MECOM: variants seen among roughly 807,000 people sequenced by gnomAD.
MECOM encodes the protein MDS1 and EVI1 complex locus.
Under a neutral mutation model 116.3 loss-of-function variants are expected in MECOM, and 13 were observed. The ratio of observed to expected loss-of-function variants is 0.11; its 90% confidence interval spans 0.07 to 0.18. The LOEUF (loss-of-function observed/expected upper bound fraction) is 0.18, where lower values mean the gene tolerates loss of function less well. Among genes scored for constraint, MECOM ranks in the 10% least tolerant of loss-of-function variants. The probability of loss-of-function intolerance (pLI) is 1.00; values close to 1 mark genes in which losing one functional copy is unlikely to be tolerated. For synonymous variants in MECOM, 528 were observed against 535.2 expected, an observed-to-expected ratio of 0.99 and a Z score of 0.19; for missense variants, 1,299 against 1,509.0, an observed-to-expected ratio of 0.86 and a Z score of 2.31.
At position 169,122,631 on chromosome 3, in the gene MECOM, G is replaced by T. The variant is rs144421362; in HGVS notation, c.927C>A (p.His309Gln). The change falls in exon 6 of 17, where the codon CAC becomes CAA. Residue 309 changes from histidine to glutamine, a missense_variant. By Grantham distance (24) the His-to-Gln change is conservative. Around this residue, in one of 6 missense-constraint regions of MECOM, gnomAD observed 374 missense variants for 433.4 expected, o/e 0.86. Coordinates refer to ENST00000651503, the MANE Select transcript of MECOM (RefSeq NM_004991.4). ...AFNWKSNLIR[H>Q]QMSHDSGKHY... ...GCTTTCCACTGTCATGTGACATCTG[G>T]TGGCGAATTAAATTGGACTTCCAGT... 1 of 1,614,056 alleles carries T rather than the reference G, an allele frequency of 6.2e-7. No individual in the cohort carries two copies. Among genetic ancestry groups the T allele is most frequent in the Admixed American group, 1.7e-5 (1 of 60,022 alleles).
At position 169,546,707 on chromosome 3, in the gene MECOM, T is replaced by TAAAG. The variant is rs564334101; in HGVS notation, c.37+116625_37+116628dup. On this transcript the variant is annotated intron_variant, in intron 1 of 16. Coordinates refer to ENST00000651503, the MANE Select transcript of MECOM (RefSeq NM_004991.4). ...ATTAGGTGTTCTACTTCCCCATCTC[T>TAAAG]AAAGAAAGAAAGAAAGAAAGAGAAA... Among the ~76,000 whole-genome samples, 258 of 151,906 alleles carry TAAAG rather than the reference T, an allele frequency of 1.7e-3. 1 individual carries two copies. The highest frequency in any genetic ancestry group is 5.7e-3 in the African/African-American group (236 of 41,488).
intron 1 of MECOM, among the ~76,000 whole-genome samples, chr3:169,545,376 T>G (rs16854063): frequency 0.22 from 33,152 of 152,048 alleles, 4,643 homozygotes; most frequent in East Asian, 0.7. Context: ...CCCAGGGGTA[T>G]AATCCTTAGC....
At position 169,381,509 on chromosome 3, in the gene MECOM, T is replaced by A. The variant is rs1319048281; in HGVS notation, c.53A>T (p.Tyr18Phe). ...RKLATNNECV[Y>F]GNYPEIPLEE... ...CAAAGGTATTTCAGGGTAGTTGCCA[T>A]ATACACACTCATTATCTGTGAATAA... is the stretch of plus-strand genomic sequence containing the variant. Residue 18 changes from tyrosine (Y) to phenylalanine (F), a missense_variant, in exon 2 of 17, where the codon TAT becomes TTT. Around this residue, in one of 6 missense-constraint regions of MECOM, gnomAD observed 374 missense variants for 433.4 expected, o/e 0.86. Transcript: ENST00000651503. 2 of 1,605,284 alleles carry A rather than the reference T, an allele frequency of 1.2e-6. No homozygotes were observed. Among genetic ancestry groups the A allele is most frequent in the East Asian group, 2.2e-5 (1 of 44,662 alleles).
chr3:169,316,518 T>C (rs1405168065), intron 2 of MECOM, among the ~76,000 whole-genome samples: 1 of 152,210 alleles, frequency 6.6e-6, no homozygotes, highest in African/African-American at 2.4e-5. Flanking sequence ...AGATCTCATA[T>C]GCATTCACAT....
intron 1 of MECOM, among the ~76,000 whole-genome samples, chr3:169,660,485 C>T (rs1776141673): frequency 6.6e-6 from 1 of 151,960 alleles, no homozygotes; most frequent in South Asian, 2.1e-4. Context: ...GGTCCATGGG[C>T]TCCTGTACTG....
At chr3:169,194,460 A>T (rs1032226413) in intron 2 of MECOM, among the ~76,000 whole-genome samples, 1 of 152,118 alleles carries the variant, frequency 6.6e-6, no homozygotes, top group Admixed American at 6.6e-5. Flanking sequence ...AACCTAAAGT[A>T]TAATAAAAAA....
At chr3:169,097,464 C>T (rs1271731894) in intron 12 of MECOM, among the ~76,000 whole-genome samples, 3 of 151,918 alleles carry the variant, frequency 2.0e-5, no homozygotes, top group Non-Finnish European at 4.4e-5. Flanking sequence ...TTAAGCCTTC[C>T]TAGTTATTGG....
chr3:169,417,722 T>C (rs1283401578), intron 1 of MECOM, among the ~76,000 whole-genome samples: 2 of 151,856 alleles, frequency 1.3e-5, no homozygotes, highest in Admixed American at 6.6e-5. Context: ...TGTCCAACAA[T>C]GATAGACTGG....
chr3:169,400,333 A>C (rs1160845331), intron 1 of MECOM, among the ~76,000 whole-genome samples: 2 of 152,194 alleles, frequency 1.3e-5, no homozygotes, highest in African/African-American at 4.8e-5. Context: ...TATGCTGCTA[A>C]ATGGATGTTT....
At chr3:169,346,352 A>G (rs1402379535) in intron 2 of MECOM, among the ~76,000 whole-genome samples, 2 of 152,078 alleles carry the variant, frequency 1.3e-5, no homozygotes, top group Non-Finnish European at 2.9e-5. Context: ...AATTAAATGA[A>G]CCATCATCAT....
At chr3:169,085,251 C>T (rs1036160630) in intron 16 of MECOM, among the ~76,000 whole-genome samples, 7 of 152,098 alleles carry the variant, frequency 4.6e-5, no homozygotes, top group Admixed American at 2.6e-4. Flanking sequence ...AAGTGACACA[C>T]GCTACAGAAC....
intron 1 of MECOM, among the ~76,000 whole-genome samples, chr3:169,566,380 C>A (rs1170240999): frequency 6.6e-6 from 1 of 152,188 alleles, no homozygotes; most frequent in Non-Finnish European, 1.5e-5. Context: ...AATGACACCC[C>A]ACTCCTGCTG....
chr3:169,110,992 G>T (rs1435211180), intron 9 of MECOM, among the ~76,000 whole-genome samples: 2 of 152,140 alleles, frequency 1.3e-5, no homozygotes, highest in East Asian at 3.8e-4. Flanking sequence ...GCTCTCTTAT[G>T]ATTTTATTTT....
At chr3:169,343,912 T>G (rs1291906641) in intron 2 of MECOM, among the ~76,000 whole-genome samples, 1 of 152,190 alleles carries the variant, frequency 6.6e-6, no homozygotes, top group Non-Finnish European at 1.5e-5. Context: ...GCCAACAAAC[T>G]TTTGCTTTAA....
Position 169,355,577 on chromosome 3 carries a change from T to A in MECOM, c.375+25610A>T, listed in dbSNP as rs16853553. Among the ~76,000 whole-genome samples, 829 of 152,108 alleles carry A rather than the reference T, an allele frequency of 5.5e-3. 7 individuals are homozygous for A. Among genetic ancestry groups the A allele is most frequent in the African/African-American group, 0.019 (797 of 41,554 alleles). On this transcript the variant is annotated intron_variant, in intron 2 of 16. Transcript: ENST00000651503. ...AATAAACTGCCATGTTAAAGTCAAA[T>A]GTCATCACTGATGTCTTCTTTGGTT...
chr3:169,357,328 T>C (rs529709747), intron 2 of MECOM, among the ~76,000 whole-genome samples: 17 of 151,898 alleles, frequency 1.1e-4, no homozygotes, highest in African/African-American at 3.9e-4. Context: ...GGGTCAAATA[T>C]AAGTAGATCC....
chr3:169,426,250 A>G (rs77502487), intron 1 of MECOM, among the ~76,000 whole-genome samples: 17,551 of 152,184 alleles, frequency 0.12, 1,286 homozygotes, highest in East Asian at 0.3. Flanking sequence ...AATTTTAATA[A>G]TATTTTAAGA....
intron 1 of MECOM, among the ~76,000 whole-genome samples, chr3:169,468,484 A>G (rs1052461123): frequency 3.4e-5 from 5 of 147,172 alleles, no homozygotes; most frequent in African/African-American, 1.3e-4. Flanking sequence ...TTGGGACCAT[A>G]TTTGTCTTAT....
intron 2 of MECOM, among the ~76,000 whole-genome samples, chr3:169,378,210 A>G (rs1447344081): frequency 6.6e-6 from 1 of 151,422 alleles, no homozygotes; most frequent in Non-Finnish European, 1.5e-5. Flanking sequence ...ATTATGAGAA[A>G]TACCTAATGT....
Sources: gnomAD v4.1 joint callset for allele counts (sites outside exome capture counted in the v4.1 genomes callset) on GRCh38, gnomAD v4.1.1 for gene constraint, gnomAD v4.1.1 regional missense constraint, MANE v1.5 for transcripts, NCBI Gene and HGNC (gene_info 2026-07-23, HGNC 2026-07-21) for gene names.